CA10: variants seen among roughly 807,000 people sequenced by gnomAD.
The protein encoded by CA10 is carbonic anhydrase 10 (inactive).
CA10 carries 14 observed loss-of-function variants against 44.2 expected under a neutral mutation model. The ratio of observed to expected loss-of-function variants is 0.32; its 90% CI spans 0.21 to 0.50. The LOEUF (loss-of-function observed/expected upper bound fraction) is 0.50, where lower values mean the gene tolerates loss of function less well. CA10 is among the 20% of genes least tolerant of loss of function. The pLI is 0.99. For synonymous variants in CA10, 159 were observed against 141.6 expected (o/e 1.12, Z -0.87); for missense variants, 350 against 409.7 (o/e 0.85, Z 1.26).
At chr17:51,904,432 CT>C (rs535830803) in intron 3 of CA10, among the ~76,000 whole-genome samples, 85 of 152,072 alleles carry the variant, frequency 5.6e-4, no homozygotes, top group Non-Finnish European at 1.0e-3. Context: ...ATGCTCACAG[CT>C]TTGGGGCTGA....
At chr17:51,728,399 A>T (rs1916601091) in intron 4 of CA10, among the ~76,000 whole-genome samples, 1 of 152,024 alleles carries the variant, frequency 6.6e-6, no homozygotes, top group Admixed American at 6.6e-5. Flanking sequence ...CTGTTGCAGG[A>T]TATAATCCAG....
At chr17:51,661,344 C>T (rs539737483) in intron 4 of CA10, among the ~76,000 whole-genome samples, 1 of 152,194 alleles carries the variant, frequency 6.6e-6, no homozygotes, top group African/African-American at 2.4e-5. Context: ...AAAGAACAGT[C>T]TGGAATTCCA....
chr17:51,654,647 C>T lies in CA10; in HGVS notation c.466-911G>A, dbSNP rs562135593. ...TTTCAGCTCACTGCAACCTCCGCCTCCCAGGTTCAAGTGATTGTCCTGCCT... is the reference window on the plus strand; with the variant it reads ...TTTCAGCTCACTGCAACCTCCGCCTTCCAGGTTCAAGTGATTGTCCTGCCT... On this transcript the variant is annotated intron_variant, in intron 4 of 8. Coordinates refer to ENST00000451037, the MANE Select transcript of CA10 (RefSeq NM_020178.5). Among the ~76,000 whole-genome samples, 20 of 152,118 alleles carry T rather than the reference C, an allele frequency of 1.3e-4. 1 individual carries two copies. The East Asian group carries it at 3.5e-3, about 27-fold the overall frequency.
At chr17:52,150,304 A>G (rs562581232) in intron 1 of CA10, among the ~76,000 whole-genome samples, 1 of 152,274 alleles carries the variant, frequency 6.6e-6, no homozygotes, top group East Asian at 1.9e-4. Context: ...GATGAGTCAG[A>G]TGTCCCTTCT....
At chr17:51,899,526 G>T (rs1280341309) in intron 3 of CA10, among the ~76,000 whole-genome samples, 1 of 151,486 alleles carries the variant, frequency 6.6e-6, no homozygotes, top group East Asian at 2.0e-4. Flanking sequence ...ATATACTGTT[G>T]TTTTTGGGTG....
At chr17:51,724,412 C>T (rs1307260575) in intron 4 of CA10, among the ~76,000 whole-genome samples, 1 of 152,164 alleles carries the variant, frequency 6.6e-6, no homozygotes, top group Non-Finnish European at 1.5e-5. Flanking sequence ...TCACTATAAA[C>T]ACCGGCAGTT....
intron 2 of CA10, among the ~76,000 whole-genome samples, chr17:51,958,262 T>C (rs963521759): frequency 2.4e-5 from 1 of 41,922 alleles, no homozygotes; most frequent in African/African-American, 1.4e-4. Flanking sequence ...ACTGAGTTTT[T>C]TTTTTTTTTT....
At chr17:51,731,329 A>G (rs1916710108) in intron 4 of CA10, among the ~76,000 whole-genome samples, 1 of 152,170 alleles carries the variant, frequency 6.6e-6, no homozygotes, top group Non-Finnish European at 1.5e-5. Context: ...GTGAGCCGAG[A>G]TTGTACCACT....
intron 4 of CA10, among the ~76,000 whole-genome samples, chr17:51,668,425 G>C (rs746494696): frequency 6.6e-6 from 1 of 152,214 alleles, no homozygotes; most frequent in Admixed American, 6.5e-5. Context: ...CTGTGAATTA[G>C]GCCAGGATGC....
intron 2 of CA10, among the ~76,000 whole-genome samples, chr17:51,943,425 C>T (rs896791950): frequency 6.6e-6 from 1 of 152,198 alleles, no homozygotes; most frequent in African/African-American, 2.4e-5. Context: ...AAGTAAATAT[C>T]TCTAAAGGGT....
At position 52,044,728 on chromosome 17, in the gene CA10, C is replaced by A. The variant is rs191167641; in HGVS notation, c.136+27591G>T. On this transcript the variant is annotated intron_variant, in intron 2 of 8. Coordinates refer to ENST00000451037, the MANE Select transcript of CA10 (RefSeq NM_020178.5). ...GAGATTAGTAGCAGATTAAATACTGCAGAAGAAAAGATCTTGAACTAGAAG... is the reference window on the plus strand; with the variant it reads ...GAGATTAGTAGCAGATTAAATACTGAAGAAGAAAAGATCTTGAACTAGAAG... Among the ~76,000 whole-genome samples the A allele has an allele frequency of 1.1e-4, 16 of 151,136 alleles. 2 individuals are homozygous for A. In the East Asian group the frequency reaches 3.0e-3, roughly 28 times the overall value.
intron 3 of CA10, among the ~76,000 whole-genome samples, chr17:51,868,096 A>ACACACACACAC (rs397856740): frequency 6.7e-6 from 1 of 150,374 alleles, no homozygotes; most frequent in Non-Finnish European, 1.5e-5. Flanking sequence ...ACACACACAC[A>ACACACACACAC]AAGATATTCT....
intron 2 of CA10, among the ~76,000 whole-genome samples, chr17:52,023,264 A>C (rs1986197549): frequency 6.6e-6 from 1 of 152,142 alleles, no homozygotes; most frequent in Non-Finnish European, 1.5e-5. Flanking sequence ...ACAGGCTCAT[A>C]CACCAATGGA....
chr17:51,721,533 A>G (rs189406540), intron 4 of CA10, among the ~76,000 whole-genome samples: 1 of 151,664 alleles, frequency 6.6e-6, no homozygotes, highest in East Asian at 2.0e-4. Context: ...GATGGGTTTC[A>G]CTTGCTGGCC....
At chr17:51,646,067 C>G (rs963914381) in intron 6 of CA10, among the ~76,000 whole-genome samples, 1 of 152,226 alleles carries the variant, frequency 6.6e-6, no homozygotes, top group African/African-American at 2.4e-5. Context: ...TAGCTGGAAG[C>G]AGAGCCACCC....
chr17:51,932,911 T>A (rs75293701), intron 2 of CA10, among the ~76,000 whole-genome samples: 60 of 103,892 alleles, frequency 5.8e-4, no homozygotes, highest in Middle Eastern at 5.2e-3. Flanking sequence ...TACTTTTTTT[T>A]AAAAAAAACA....
At chr17:51,796,041 A>G (rs1415037083) in intron 3 of CA10, among the ~76,000 whole-genome samples, 3 of 152,184 alleles carry the variant, frequency 2.0e-5, no homozygotes, top group African/African-American at 7.2e-5. Context: ...GGTTTCTAGT[A>G]AATAGCAGCA....
intron 1 of CA10, among the ~76,000 whole-genome samples, chr17:52,112,510 A>G (rs1475586158): frequency 6.6e-6 from 1 of 152,216 alleles, no homozygotes; most frequent in East Asian, 1.9e-4. Flanking sequence ...TTGGCCCTTT[A>G]TAGAAAATGT....
At chr17:51,961,855 T>A (rs1983904881) in intron 2 of CA10, among the ~76,000 whole-genome samples, 1 of 152,214 alleles carries the variant, frequency 6.6e-6, no homozygotes, top group Non-Finnish European at 1.5e-5. Flanking sequence ...CCCAAGCAGA[T>A]CTCCGGGCAT....
Sources: gnomAD v4.1 joint callset for allele counts (sites outside exome capture counted in the v4.1 genomes callset) on GRCh38, gnomAD v4.1.1 for gene constraint, MANE v1.5 for transcripts, NCBI Gene and HGNC (gene_info 2026-07-23, HGNC 2026-07-21) for gene names.